Variants in KLF12 observed in about 807,000 individuals in gnomAD.
KLF12 encodes KLF transcription factor 12.
KLF12 carries 9 observed loss-of-function variants against 37.8 expected under a neutral mutation model. The observed-to-expected ratio is 0.24, with a 90% CI of 0.14 to 0.42. The LOEUF (loss-of-function observed/expected upper bound fraction) is 0.42, where lower values mean the gene tolerates loss of function less well. Ranked by LOEUF, KLF12 falls within the 10% of genes least tolerant of loss-of-function variation. KLF12 has a pLI of 1.00. For synonymous variants in KLF12, 208 were observed against 202.1 expected (o/e 1.03, Z -0.25); for missense variants, 411 against 516.0 (o/e 0.80, Z 1.97).
At chr13:73,898,279 C>T (rs561945204) in intron 3 of KLF12, among the ~76,000 whole-genome samples, 6 of 152,172 alleles carry the variant, frequency 3.9e-5, no homozygotes, top group South Asian at 2.1e-4. Flanking sequence ...GGTAATTAAC[C>T]GATGTTAAAC....
intron 1 of KLF12, among the ~76,000 whole-genome samples, chr13:73,997,416 T>C (rs749317552): frequency 9.9e-5 from 15 of 152,210 alleles, no homozygotes; most frequent in Non-Finnish European, 1.8e-4. Flanking sequence ...TTAAATGTCA[T>C]ACGTGTAAGA....
intron 6 of KLF12, among the ~76,000 whole-genome samples, chr13:73,751,527 C>T (rs1356847604): frequency 6.6e-6 from 1 of 152,034 alleles, no homozygotes; most frequent in African/African-American, 2.4e-5. Context: ...GAAGAGCCAA[C>T]ACTGCCAAGC....
intron 6 of KLF12, among the ~76,000 whole-genome samples, chr13:73,744,356 T>C (rs560945739): frequency 7.7e-4 from 118 of 152,322 alleles, no homozygotes; most frequent in African/African-American, 2.6e-3. Flanking sequence ...CTATTGTGAA[T>C]GTCGCAAGGG....
chr13:74,035,926 T>C (rs1893234427), intron 1 of KLF12, among the ~76,000 whole-genome samples: 1 of 152,204 alleles, frequency 6.6e-6, no homozygotes, highest in Non-Finnish European at 1.5e-5. Flanking sequence ...ATAACTTTAA[T>C]GTGACATGGG....
At chr13:73,883,774 T>C (rs1007137918) in intron 3 of KLF12, among the ~76,000 whole-genome samples, 3 of 152,178 alleles carry the variant, frequency 2.0e-5, no homozygotes, top group Admixed American at 6.5e-5. Flanking sequence ...CTCTAGTAGA[T>C]AGTTGATAAA....
the KLF12 span, among the ~76,000 whole-genome samples, chr13:74,142,334 G>A: frequency 3.3e-5 from 5 of 152,208 alleles, no homozygotes; most frequent in East Asian, 1.9e-4. Context: ...TATAAGCTGC[G>A]TTTGCATTTC....
intron 7 of KLF12, among the ~76,000 whole-genome samples, chr13:73,702,555 T>A (rs971345059): frequency 2.0e-5 from 3 of 152,190 alleles, no homozygotes; most frequent in African/African-American, 7.2e-5. Flanking sequence ...CATGTTCTCA[T>A]CAGCTTCTCT....
intron 5 of KLF12, among the ~76,000 whole-genome samples, chr13:73,779,787 G>C (rs943964851): frequency 3.9e-5 from 6 of 152,196 alleles, no homozygotes; most frequent in Admixed American, 1.3e-4. Flanking sequence ...TGCATAGCTA[G>C]CATTAGAATT....
chr13:74,008,524 C>T (rs1892472544), intron 1 of KLF12, among the ~76,000 whole-genome samples: 1 of 152,218 alleles, frequency 6.6e-6, no homozygotes, highest in South Asian at 2.1e-4. Flanking sequence ...ATTTGATTCG[C>T]TAATGAAGAT....
At chr13:73,746,975 T>C (rs1878415418) in intron 6 of KLF12, among the ~76,000 whole-genome samples, 2 of 151,950 alleles carry the variant, frequency 1.3e-5, no homozygotes, top group Non-Finnish European at 1.5e-5. Flanking sequence ...CCACCACACC[T>C]GGCTAATTTT....
At chr13:74,085,505 G>A (rs4885149) in intron 1 of KLF12, among the ~76,000 whole-genome samples, 92,394 of 152,064 alleles carry the variant, frequency 0.61, 28,402 homozygotes, top group East Asian at 0.87. Context: ...GAATTCTCAC[G>A]CTTCCTTGAG....
In KLF12 at chr13:73,790,149, C is replaced by T. The variant is rs537416179; in HGVS notation, c.806+23003G>A. 6.6e-5 allele frequency among the ~76,000 whole-genome samples: 10 copies of T among 152,298 alleles called. No individual in the cohort carries two copies. The South Asian group carries it at 2.1e-3, about 32-fold the overall frequency. ...CCAATTCGCTGTTCACATAACAGTACTTAGCTTTCAAATTTCAGGCCATAA... is the reference window on the plus strand; with the variant it reads ...CCAATTCGCTGTTCACATAACAGTATTTAGCTTTCAAATTTCAGGCCATAA... On this transcript the variant is annotated intron_variant, in intron 5 of 7. Transcript: ENST00000377669.
chr13:74,284,935 G>T, the KLF12 span, among the ~76,000 whole-genome samples: 1 of 152,162 alleles, frequency 6.6e-6, no homozygotes, highest in East Asian at 1.9e-4. Flanking sequence ...TTATAAGTAG[G>T]GCCTTTTGGG....
chr13:74,131,083 C>G (rs773100040), intron 1 of KLF12, among the ~76,000 whole-genome samples: 4 of 152,204 alleles, frequency 2.6e-5, no homozygotes, highest in Non-Finnish European at 5.9e-5. Context: ...TCAAAATGCT[C>G]TCAGCATAGG....
the KLF12 span, among the ~76,000 whole-genome samples, chr13:74,302,118 G>A: frequency 1.3e-5 from 2 of 152,060 alleles, no homozygotes; most frequent in Non-Finnish European, 2.9e-5. Context: ...TGGGGCCATC[G>A]TAAGAAGCAA....
chr13:73,854,906 C>G (rs1885528554), intron 3 of KLF12, among the ~76,000 whole-genome samples: 1 of 152,270 alleles, frequency 6.6e-6, no homozygotes, highest in South Asian at 2.1e-4. Context: ...ATATACTTGT[C>G]TTCTAATAGA....
chr13:73,950,304 T>C (rs1890596481), intron 2 of KLF12, among the ~76,000 whole-genome samples: 1 of 152,182 alleles, frequency 6.6e-6, no homozygotes, highest in Non-Finnish European at 1.5e-5. Context: ...CAATCCAAAC[T>C]GGGAGCCAAA....
In KLF12 at chr13:74,039,064, TTTCATTTTAAA is replaced by T. The variant is rs1332290563; in HGVS notation, c.-31-44022_-31-44012del. On this transcript the variant is annotated intron_variant, in intron 1 of 7. Coordinates refer to ENST00000377669, the MANE Select transcript of KLF12 (RefSeq NM_007249.5). ...GGAAAGGTTTTGTAAAAGCAGACGA[TTTCATTTTAAA>T]TTCATTTTAAATTAATATTTTATTT... Among the ~76,000 whole-genome samples the T allele has an allele frequency of 3.8e-4, 58 of 152,166 alleles. 1 individual carries two copies. Among genetic ancestry groups the T allele is most frequent in the African/African-American group, 1.3e-3 (55 of 41,562 alleles).
Position 73,739,997 on chromosome 13 carries a change from A to G in KLF12, c.870-24472T>C, listed in dbSNP as rs574884123. ...GAAAGCCATGAGAAGGAACTGGACC[A>G]CTGTAGACAGTTGTGGGGTGCTATG... is the stretch of plus-strand genomic sequence containing the variant. On this transcript the variant is annotated intron_variant, in intron 6 of 7. Transcript: ENST00000377669. Among the ~76,000 whole-genome samples the G allele has an allele frequency of 2.1e-5, 3 of 145,838 alleles. No individual in the cohort carries two copies. The East Asian group carries it at 5.8e-4, about 28-fold the overall frequency.
Sources: gnomAD v4.1 joint callset for allele counts (sites outside exome capture counted in the v4.1 genomes callset) on GRCh38, gnomAD v4.1.1 for gene constraint, MANE v1.5 for transcripts, NCBI Gene and HGNC (gene_info 2026-07-23, HGNC 2026-07-21) for gene names.